The following ATG4B variants were observed in gnomAD, a reference collection of about 807,000 sequenced individuals.
ATG4B encodes the protein cysteine protease ATG4B.
In ATG4B, 29 loss-of-function variants were observed where a neutral mutation model predicts 56.6. The ratio of observed to expected loss-of-function variants is 0.51; its 90% confidence interval spans 0.38 to 0.70. The LOEUF (loss-of-function observed/expected upper bound fraction) is 0.70, where lower values mean the gene tolerates loss of function less well. ATG4B is among the 30% of genes least tolerant of loss of function. The pLI, the probability that ATG4B is intolerant of heterozygous loss-of-function variation, is 0.00. For missense variants in ATG4B, 461 were observed against 515.5 expected (o/e 0.89, Z 1.02); for synonymous variants, 224 against 206.1 (o/e 1.09, Z -0.74).
At chr2:241,654,793 C>T (rs539085382) in intron 5 of ATG4B, 146 bp downstream of exon 5, 30 of 664,488 alleles carry the variant, frequency 4.5e-5, no homozygotes, top group South Asian at 3.6e-4. Context: ...ACCATCTGTG[C>T]GCTGCTGTCA....
At chr2:241,649,993 A>G (rs1559253633) in intron 1 of ATG4B, among the ~76,000 whole-genome samples, 1 of 152,070 alleles carries the variant, frequency 6.6e-6, no homozygotes, top group Non-Finnish European at 1.5e-5. Context: ...CATGTTGACC[A>G]GGCTGGTCTC....
Position 241,672,220 on chromosome 2 carries a change from T to G in ATG4B, c.1138T>G (p.Phe380Val), listed in dbSNP as rs749760537. The G allele has an allele frequency of 6.9e-6, 11 of 1,586,576 alleles. No individual in the cohort carries two copies. The South Asian group carries it at 1.3e-4, about 18-fold the overall frequency. The change falls in exon 13 of 13, where the codon TTC (phenylalanine) becomes GTC (valine). Residue 380 changes from phenylalanine to valine, a missense_variant. By Grantham distance (50) the Phe-to-Val change is conservative. Coordinates refer to ENST00000404914, the MANE Select transcript of ATG4B (RefSeq NM_013325.5). The part of the protein sequence containing the change: ...DSSDVERLER[F>V]FDSEDEDFEI... ...TTCTGATGTAGAGCGACTGGAAAGATTCTTCGACTCAGAAGATGAAGACTT... is the reference window on the plus strand; with the variant it reads ...TTCTGATGTAGAGCGACTGGAAAGAGTCTTCGACTCAGAAGATGAAGACTT...
Position 241,653,282 on chromosome 2 carries a change from G to C in ATG4B, c.185-230G>C, listed in dbSNP as rs536719813. The C allele has an allele frequency of 5.6e-4, 831 of 1,490,412 alleles. 2 individuals carry two copies. Among genetic ancestry groups the C allele is most frequent in the Middle Eastern group, 8.5e-4 (5 of 5,872 alleles). 92.3% of individuals were successfully genotyped at this position (1,490,412 alleles called of 1,614,324 possible). A position where few individuals can be genotyped will look rare whatever the true frequency, so the allele number is the denominator to read the frequency against. On this transcript the variant is annotated intron_variant, in intron 3 of 12. Transcript: ENST00000404914. ...ATTCCTTTTGCTCCGTGACTGACTTGTTCATGTGTTTTGCCCATTTTGAGG... is the reference window on the plus strand; with the variant it reads ...ATTCCTTTTGCTCCGTGACTGACTTCTTCATGTGTTTTGCCCATTTTGAGG...
chr2:241,645,828 CG>C (rs1420299396), intron 1 of ATG4B, among the ~76,000 whole-genome samples: 1 of 151,974 alleles, frequency 6.6e-6, no homozygotes, highest in African/African-American at 2.4e-5. Context: ...ATGTATGACT[CG>C]CTCCCAACAG....
intron 4 of ATG4B, among the ~76,000 whole-genome samples, chr2:241,654,077 A>G (rs1419445443): frequency 6.6e-6 from 1 of 151,824 alleles, no homozygotes; most frequent in African/African-American, 2.4e-5. Flanking sequence ...ATTTGTTTTG[A>G]TAACTTGGCG....
In ATG4B at chr2:241,654,256, A is replaced by G. The variant is rs189684693; in HGVS notation, c.284-290A>G. 7.8e-4 allele frequency among the ~76,000 whole-genome samples: 119 copies of G among 151,944 alleles called. 1 individual carries two copies. Among genetic ancestry groups the G allele is most frequent in the African/African-American group, 2.7e-3 (112 of 41,416 alleles). On this transcript the variant is annotated intron_variant, in intron 4 of 12. Transcript: ENST00000404914. Reference sequence around the variant, plus strand: ...GCCAGCATGGTGAAACCCCATCTCTACTAAAAACACAAAAATTAGCTAGGC... The same window carrying G: ...GCCAGCATGGTGAAACCCCATCTCTGCTAAAAACACAAAAATTAGCTAGGC...
At chr2:241,650,731 G>C (rs1397741986) in intron 1 of ATG4B, among the ~76,000 whole-genome samples, 1 of 151,908 alleles carries the variant, frequency 6.6e-6, no homozygotes, top group Non-Finnish European at 1.5e-5. Context: ...TGACTCAGTG[G>C]CTCAGAATAT....
At chr2:241,656,346 C>G (rs1401023375) in intron 6 of ATG4B, among the ~76,000 whole-genome samples, 2 of 151,470 alleles carry the variant, frequency 1.3e-5, no homozygotes, top group Non-Finnish European at 2.9e-5. Context: ...CTGCTGCTCC[C>G]TCTGTCTCCA....
chr2:241,670,988 G>T (rs999430353), intron 11 of ATG4B, among the ~76,000 whole-genome samples: 2 of 152,204 alleles, frequency 1.3e-5, no homozygotes, highest in Admixed American at 1.3e-4. Context: ...CAACCCTGGG[G>T]ACGGATGTTG....
At chr2:241,654,517 G>C in intron 4 of ATG4B, 29 bp from the exon 5 acceptor site, 1 of 1,502,138 alleles carries the variant, frequency 6.7e-7, no homozygotes, top group Non-Finnish European at 9.1e-7. Context: ...ATTTATGGTA[G>C]AGCTGACCTG....
intron 1 of ATG4B, among the ~76,000 whole-genome samples, chr2:241,646,612 A>G (rs1004854396): frequency 2.6e-4 from 40 of 152,174 alleles, no homozygotes; most frequent in African/African-American, 9.4e-4. Flanking sequence ...TCGAGATGCC[A>G]GATAGCTCCT....
At chr2:241,649,784 C>CTTTTT (rs111624909) in intron 1 of ATG4B, among the ~76,000 whole-genome samples, 1 of 137,510 alleles carries the variant, frequency 7.3e-6, no homozygotes, top group Non-Finnish European at 1.6e-5. Flanking sequence ...TTTTCTTTTT[C>CTTTTT]TTTTTTTTTT....
At position 241,672,347 on chromosome 2, in the gene ATG4B, GC is replaced by G. The variant is rs1246000596; in HGVS notation, c.*85del. ...TTTCATCCATCCCGCCCGCTCGCCT[GC>G]CGAGGGCTGCGCCCCGTGCTGCCTC... On this transcript the variant is annotated 3_prime_UTR_variant, in exon 13 of 13. Transcript: ENST00000404914. 1.6e-6 allele frequency: 2 copies of G among 1,284,978 alleles called. No homozygotes were observed. The highest frequency in any genetic ancestry group is 2.2e-6 in the Non-Finnish European group (2 of 912,928). 79.6% of individuals were successfully genotyped at this position (1,284,978 alleles called of 1,614,324 possible).
At chr2:241,646,004 G>T (rs2068050527) in intron 1 of ATG4B, among the ~76,000 whole-genome samples, 1 of 152,186 alleles carries the variant, frequency 6.6e-6, no homozygotes, top group African/African-American at 2.4e-5. Flanking sequence ...CCTTGGATTT[G>T]CTCCCCTGGG....
At chr2:241,663,050 ACAT>A (rs2068639268) in intron 7 of ATG4B, among the ~76,000 whole-genome samples, 1 of 152,116 alleles carries the variant, frequency 6.6e-6, no homozygotes. Flanking sequence ...AGCCTGGTCA[ACAT>A]CGTAAAACCC....
At chr2:241,661,535 G>A (rs187804545) in intron 7 of ATG4B, among the ~76,000 whole-genome samples, 2 of 152,180 alleles carry the variant, frequency 1.3e-5, no homozygotes, top group South Asian at 2.1e-4. Context: ...AGAAACAGAC[G>A]TGTCCTTGGC....
chr2:241,662,411 G>C lies in ATG4B; in HGVS notation c.538+3224G>C, dbSNP rs906981766. ...TGAGAGTAGGTATGTGTACTGTGTA[G>C]TTGTCATTGATAGAGAAATATAAAT... On this transcript the variant is annotated intron_variant, in intron 7 of 12. Transcript: ENST00000404914. Among the ~76,000 whole-genome samples the C allele has an allele frequency of 5.3e-5, 8 of 152,184 alleles. 1 individual carries two copies. Among genetic ancestry groups the C allele is most frequent in the Non-Finnish European group, 1.2e-4 (8 of 68,042 alleles).
intron 12 of ATG4B, 164 bp from the exon 13 acceptor site, chr2:241,672,027 T>C: frequency 7.1e-7 from 1 of 1,409,392 alleles, no homozygotes; most frequent in Non-Finnish European, 9.2e-7. Context: ...CCCCCCATAT[T>C]CGCAGGTCTG....
intron 6 of ATG4B, among the ~76,000 whole-genome samples, chr2:241,656,568 C>T (rs1256999957): frequency 6.6e-6 from 1 of 152,210 alleles, no homozygotes; most frequent in Non-Finnish European, 1.5e-5. Flanking sequence ...CCTGCCTGCT[C>T]CCCACCAGCC....
Sources: gnomAD v4.1 joint callset for allele counts (sites outside exome capture counted in the v4.1 genomes callset) on GRCh38, gnomAD v4.1.1 for gene constraint, MANE v1.5 for transcripts, NCBI Gene and HGNC (gene_info 2026-07-23, HGNC 2026-07-21) for gene names.